NELL1: variants seen among roughly 807,000 people sequenced by gnomAD.
NELL1 encodes the protein protein kinase C-binding protein NELL1.
NELL1 carries 76 observed loss-of-function variants against 107.4 expected under a neutral mutation model. The ratio of observed to expected loss-of-function variants is 0.71; its 90% CI spans 0.59 to 0.86. NELL1 has a LOEUF of 0.86. Among genes scored for constraint, NELL1 ranks in the 40% least tolerant of loss-of-function variants. The probability of loss-of-function intolerance (pLI) is 0.00; values close to 1 mark genes in which losing one functional copy is unlikely to be tolerated. For synonymous variants in NELL1, 353 were observed against 341.2 expected (o/e 1.03, Z -0.38); for missense variants, 1,024 against 1,005.5 (o/e 1.02, Z -0.25).
intron 14 of NELL1, among the ~76,000 whole-genome samples, chr11:21,343,973 T>A (rs185257304): frequency 6.6e-6 from 1 of 152,324 alleles, no homozygotes; most frequent in Non-Finnish European, 1.5e-5. Flanking sequence ...CTTGCTTTTA[T>A]TTGAAGTATA....
At chr11:21,282,095 T>C (rs1791875) in intron 14 of NELL1, among the ~76,000 whole-genome samples, 137,501 of 152,214 alleles carry the variant, frequency 0.9, 62,253 homozygotes, top group Non-Finnish European at 0.93. Flanking sequence ...GCCAACTATC[T>C]ATCTGACAAG....
In NELL1 at chr11:20,802,414, T is replaced by G. The variant is rs534973737; in HGVS notation, c.335+18584T>G. ...GTTGGTGTACAGAAATGCTGTTTTTTTTTTTGTATCCTACAAGTTTACTGA... is the reference window on the plus strand; with the variant it reads ...GTTGGTGTACAGAAATGCTGTTTTTGTTTTTGTATCCTACAAGTTTACTGA... On this transcript the variant is annotated intron_variant, in intron 3 of 19. Transcript: ENST00000357134. 1.8e-3 allele frequency among the ~76,000 whole-genome samples: 275 copies of G among 152,162 alleles called. 1 individual carries two copies. Among genetic ancestry groups the G allele is most frequent in the African/African-American group, 6.3e-3 (260 of 41,558 alleles).
intron 2 of NELL1, among the ~76,000 whole-genome samples, chr11:20,726,161 G>C (rs1485051961): frequency 6.6e-6 from 1 of 152,140 alleles, no homozygotes; most frequent in Non-Finnish European, 1.5e-5. Context: ...GGGCACCTAG[G>C]TTTAGTCCAT....
chr11:21,345,346 T>G (rs1432366676), intron 14 of NELL1, among the ~76,000 whole-genome samples: 1 of 152,222 alleles, frequency 6.6e-6, no homozygotes. Flanking sequence ...AGTGTTTAAG[T>G]GTACCCTATC....
intron 13 of NELL1, among the ~76,000 whole-genome samples, chr11:21,181,516 T>A (rs149911216): frequency 1.3e-5 from 2 of 152,024 alleles, no homozygotes; most frequent in Non-Finnish European, 2.9e-5. Context: ...GGAATCCCAT[T>A]TCAACTGCAA....
chr11:21,518,728 C>T (rs532665959), intron 15 of NELL1, among the ~76,000 whole-genome samples: 1 of 152,164 alleles, frequency 6.6e-6, no homozygotes, highest in East Asian at 1.9e-4. Context: ...GTAGAGTAGC[C>T]TCATAAAGTT....
intron 14 of NELL1, among the ~76,000 whole-genome samples, chr11:21,246,219 T>C (rs111368209): frequency 2.0e-3 from 306 of 152,282 alleles, no homozygotes; most frequent in African/African-American, 7.1e-3. Context: ...GCAGAAGTAT[T>C]GTCTCCATAT....
chr11:21,518,393 T>C (rs1292089029), intron 15 of NELL1, among the ~76,000 whole-genome samples: 1 of 152,196 alleles, frequency 6.6e-6, no homozygotes, highest in Non-Finnish European at 1.5e-5. Context: ...TTGTTTCATT[T>C]GGAGGTGAAT....
chr11:21,234,199 C>T (rs1858140070), intron 14 of NELL1, among the ~76,000 whole-genome samples: 1 of 152,200 alleles, frequency 6.6e-6, no homozygotes, highest in African/African-American at 2.4e-5. Flanking sequence ...GAGAAAAATG[C>T]AAGCATGGGC....
At chr11:21,321,646 G>GT (rs1295045398) in intron 14 of NELL1, among the ~76,000 whole-genome samples, 1 of 152,148 alleles carries the variant, frequency 6.6e-6, no homozygotes, top group Non-Finnish European at 1.5e-5. Flanking sequence ...AACTCTATGA[G>GT]TATTTCCATT....
At chr11:20,942,943 G>C (rs1850885294) in intron 10 of NELL1, among the ~76,000 whole-genome samples, 1 of 152,112 alleles carries the variant, frequency 6.6e-6, no homozygotes, top group Non-Finnish European at 1.5e-5. Flanking sequence ...GACACCATTT[G>C]AGACCTTTAG....
At chr11:21,412,590 T>A (rs1489052463) in intron 15 of NELL1, among the ~76,000 whole-genome samples, 1 of 152,130 alleles carries the variant, frequency 6.6e-6, no homozygotes, top group Non-Finnish European at 1.5e-5. Flanking sequence ...GAGTTAGATG[T>A]TGAACATTTG....
chr11:21,476,842 G>A (rs925391343), intron 15 of NELL1, among the ~76,000 whole-genome samples: 1 of 152,082 alleles, frequency 6.6e-6, no homozygotes, highest in African/African-American at 2.4e-5. Context: ...ACACAGTGCT[G>A]CCCTGTCACA....
intron 15 of NELL1, among the ~76,000 whole-genome samples, chr11:21,472,940 G>C (rs1007884879): frequency 1.2e-4 from 18 of 151,710 alleles, no homozygotes; most frequent in Admixed American, 1.2e-3. Context: ...TATTTAAAGT[G>C]CCCAGATTTA....
intron 11 of NELL1, among the ~76,000 whole-genome samples, chr11:20,952,131 C>T (rs1372434722): frequency 1.3e-5 from 2 of 152,040 alleles, no homozygotes; most frequent in African/African-American, 4.8e-5. Context: ...ATCATTTGAC[C>T]CATCCCGGAA....
At chr11:21,248,647 A>G (rs1257163998) in intron 14 of NELL1, among the ~76,000 whole-genome samples, 1 of 152,154 alleles carries the variant, frequency 6.6e-6, no homozygotes, top group Non-Finnish European at 1.5e-5. Flanking sequence ...GACATCTGTT[A>G]CTTTTTGCCA....
chr11:21,037,787 G>T (rs1853132562), intron 12 of NELL1, among the ~76,000 whole-genome samples: 1 of 152,104 alleles, frequency 6.6e-6, no homozygotes, highest in Admixed American at 6.6e-5. Flanking sequence ...CAAGCTCAGA[G>T]AGTCATCTGA....
At chr11:21,222,166 TTTTG>T (rs969128528) in intron 13 of NELL1, among the ~76,000 whole-genome samples, 9 of 152,030 alleles carry the variant, frequency 5.9e-5, no homozygotes, top group South Asian at 2.1e-4. Context: ...ATCTTTTGTA[TTTTG>T]TTTGTTTGTT....
intron 5 of NELL1, among the ~76,000 whole-genome samples, chr11:20,891,072 G>A (rs1228254559): frequency 6.6e-6 from 1 of 152,110 alleles, no homozygotes; most frequent in African/African-American, 2.4e-5. Flanking sequence ...CTTCACGAAG[G>A]TTGAAATGAA....
Sources: gnomAD v4.1 joint callset for allele counts (sites outside exome capture counted in the v4.1 genomes callset) on GRCh38, gnomAD v4.1.1 for gene constraint, MANE v1.5 for transcripts, NCBI Gene and HGNC (gene_info 2026-07-23, HGNC 2026-07-21) for gene names.